NRCAM: variants seen among roughly 807,000 people sequenced by gnomAD.
The protein encoded by NRCAM is neuronal cell adhesion molecule.
NRCAM carries 83 observed loss-of-function variants against 156.5 expected under a neutral mutation model. That is an observed-to-expected ratio of 0.53 (90% CI 0.44 to 0.64). The LOEUF is 0.64. NRCAM is among the 30% of genes least tolerant of loss of function. The pLI is 0.00. For synonymous variants in NRCAM, 538 were observed against 563.9 expected (o/e 0.95, Z 0.65); for missense variants, 1,417 against 1,597.3 (o/e 0.89, Z 1.92).
At chr7:108,363,579 A>C (rs948840590) in intron 2 of NRCAM, among the ~76,000 whole-genome samples, 34 of 152,222 alleles carry the variant, frequency 2.2e-4, no homozygotes, top group African/African-American at 8.2e-4. Flanking sequence ...TGAACTGCTC[A>C]TAGTGACTTC....
chr7:108,410,082 C>G (rs1793483398), intron 1 of NRCAM, among the ~76,000 whole-genome samples: 1 of 152,122 alleles, frequency 6.6e-6, no homozygotes, highest in African/African-American at 2.4e-5. Flanking sequence ...GCAAATAGTT[C>G]CTGACTCAAG....
intron 1 of NRCAM, among the ~76,000 whole-genome samples, chr7:108,403,717 T>C (rs2099799459): frequency 6.6e-6 from 1 of 152,184 alleles, no homozygotes; most frequent in African/African-American, 2.4e-5. Flanking sequence ...ATGAACTTTG[T>C]AGCTGGAGTA....
At chr7:108,179,133 C>T (rs1457090020) in intron 25 of NRCAM, among the ~76,000 whole-genome samples, 2 of 152,164 alleles carry the variant, frequency 1.3e-5, no homozygotes, top group Admixed American at 1.3e-4. Flanking sequence ...AATCTGATGA[C>T]AGCCATAAAC....
In NRCAM at chr7:108,443,892, A is replaced by T. The variant is rs528223807; in HGVS notation, c.-332+12351T>A. ...AAAGTATACAGATATAGATAGATAG[A>T]TACATACATACATACATACATACAT... On this transcript the variant is annotated intron_variant, in intron 1 of 32. Transcript: ENST00000379028. Among the ~76,000 whole-genome samples, 20 of 139,948 alleles carry T rather than the reference A, an allele frequency of 1.4e-4. 2 individuals are homozygous for T. The South Asian group carries it at 4.6e-3, about 32-fold the overall frequency. The allele number at this position is 139,948 out of a possible 152,430, so 91.8% of individuals were successfully genotyped here.
chr7:108,212,640 G>A (rs1429309064), intron 11 of NRCAM, among the ~76,000 whole-genome samples: 1 of 152,076 alleles, frequency 6.6e-6, no homozygotes, highest in Non-Finnish European at 1.5e-5. Flanking sequence ...ACAAGTAGAA[G>A]AGAGAAATTA....
At chr7:108,231,235 A>T in intron 7 of NRCAM, 82 bp from the exon 8 acceptor site, 2 of 964,420 alleles carry the variant, frequency 2.1e-6, no homozygotes, top group Non-Finnish European at 3.0e-6. Flanking sequence ...AGGCAAACTG[A>T]AGTTTTGGAG....
intron 1 of NRCAM, among the ~76,000 whole-genome samples, chr7:108,423,584 T>C (rs1813112303): frequency 6.6e-6 from 1 of 152,228 alleles, no homozygotes; most frequent in South Asian, 2.1e-4. Context: ...AGTTCCAAAA[T>C]ACAAAACCAA....
chr7:108,409,724 GA>G (rs1288686344), intron 1 of NRCAM, among the ~76,000 whole-genome samples: 2 of 152,172 alleles, frequency 1.3e-5, no homozygotes, highest in East Asian at 3.9e-4. Context: ...TTTTAGTAGT[GA>G]AAAATTAAAA....
intron 3 of NRCAM, among the ~76,000 whole-genome samples, chr7:108,249,809 T>A (rs1434292006): frequency 5.3e-5 from 8 of 152,224 alleles, no homozygotes; most frequent in Non-Finnish European, 1.2e-4. Context: ...CCTTTTTCTA[T>A]AAAACCACAC....
chr7:108,353,141 TTTC>T (rs1188127162), intron 2 of NRCAM, among the ~76,000 whole-genome samples: 1 of 152,114 alleles, frequency 6.6e-6, no homozygotes, highest in Non-Finnish European at 1.5e-5. Context: ...ATTCTTCTTG[TTTC>T]TTGTCTTGAA....
intron 11 of NRCAM, 86 bp from the exon 12 acceptor site, chr7:108,209,691 A>T (rs945457953): frequency 4.4e-6 from 4 of 908,820 alleles, no homozygotes; most frequent in Non-Finnish European, 5.1e-6. Context: ...CAACTTTGTA[A>T]CAAATCTTTA....
At chr7:108,331,364 G>A (rs1563296821) in intron 2 of NRCAM, among the ~76,000 whole-genome samples, 1 of 151,908 alleles carries the variant, frequency 6.6e-6, no homozygotes, top group Non-Finnish European at 1.5e-5. Flanking sequence ...CTGCACCACT[G>A]TACTCCATCC....
At chr7:108,218,245 G>A (rs189389193) in intron 11 of NRCAM, among the ~76,000 whole-genome samples, 139 of 148,312 alleles carry the variant, frequency 9.4e-4, no homozygotes, top group African/African-American at 2.5e-3. Context: ...GCTTCGGCTC[G>A]CCCTCTGTGG....
intron 1 of NRCAM, among the ~76,000 whole-genome samples, chr7:108,455,861 T>C (rs977585779): frequency 6.6e-6 from 1 of 152,096 alleles, no homozygotes; most frequent in Non-Finnish European, 1.5e-5. Context: ...CCGCAGGCTC[T>C]CCATGCCCAA....
intron 1 of NRCAM, among the ~76,000 whole-genome samples, chr7:108,425,347 G>A (rs1390336144): frequency 2.0e-5 from 3 of 152,208 alleles, no homozygotes; most frequent in African/African-American, 7.2e-5. Flanking sequence ...AATATACATG[G>A]AGACTGACAC....
chr7:108,184,115 TA>T, intron 22 of NRCAM, 125 bp downstream of exon 22: 1 of 312,120 alleles, frequency 3.2e-6, no homozygotes, highest in Non-Finnish European at 5.2e-6. Context: ...TGTATCTTTA[TA>T]TATATATATA....
At chr7:108,444,085 T>C (rs960237568) in intron 1 of NRCAM, among the ~76,000 whole-genome samples, 2 of 151,906 alleles carry the variant, frequency 1.3e-5, no homozygotes, top group Non-Finnish European at 2.9e-5. Context: ...AATAAATAAA[T>C]AAAACAATGC....
chr7:108,155,131 CACACACACACACAT>C lies in NRCAM; in HGVS notation c.3677+4318_3677+4331del, dbSNP rs1563168660. On this transcript the variant is annotated intron_variant, in intron 32 of 32. Transcript: ENST00000379028. ...ACACACACACACACACACACACACA[CACACACACACACAT>C]ATAGCAGACCTTGATTTTAATCAAG... is the stretch of plus-strand genomic sequence containing the variant. 5.0e-3 allele frequency among the ~76,000 whole-genome samples: 730 copies of C among 147,414 alleles called. 11 individuals are homozygous for C. Among genetic ancestry groups the C allele is most frequent in the African/African-American group, 0.017 (683 of 39,216 alleles).
At chr7:108,344,849 A>T (rs2099335544) in intron 2 of NRCAM, among the ~76,000 whole-genome samples, 1 of 152,208 alleles carries the variant, frequency 6.6e-6, no homozygotes, top group African/African-American at 2.4e-5. Flanking sequence ...TATGGGCAAT[A>T]ATGTCCTAAC....
Sources: gnomAD v4.1 joint callset for allele counts (sites outside exome capture counted in the v4.1 genomes callset) on GRCh38, gnomAD v4.1.1 for gene constraint, MANE v1.5 for transcripts, NCBI Gene and HGNC (gene_info 2026-07-23, HGNC 2026-07-21) for gene names.